Variants in IRF5 observed in about 807,000 individuals in gnomAD.
The protein encoded by IRF5 is interferon regulatory factor 5.
In IRF5, 24 loss-of-function variants were observed where a neutral mutation model predicts 55.1. The observed-to-expected ratio is 0.44, with a 90% CI of 0.32 to 0.61. The LOEUF is 0.61. IRF5 is among the 20% of genes least tolerant of loss of function. The probability of loss-of-function intolerance (pLI) is 0.07; values close to 1 mark genes in which losing one functional copy is unlikely to be tolerated. For missense variants in IRF5, 499 were observed against 658.5 expected (o/e 0.76, Z 2.65); for synonymous variants, 258 against 260.2 (o/e 0.99, Z 0.08).
chr7:128,948,426 C>A lies in IRF5; in HGVS notation c.1299+98C>A. The A allele has an allele frequency of 1.4e-6, 2 of 1,457,516 alleles. No individual in the cohort carries two copies. The highest frequency in any genetic ancestry group is 1.9e-6 in the Non-Finnish European group (2 of 1,066,226). The allele number at this position is 1,457,516 out of a possible 1,614,324, so 90.3% of individuals were successfully genotyped here. A position where few individuals can be genotyped will look rare whatever the true frequency, so the allele number is the denominator to read the frequency against. On this transcript the variant is annotated intron_variant, in intron 8 of 8. Coordinates refer to ENST00000357234, the MANE Select transcript of IRF5 (RefSeq NM_001098629.3). The surrounding 1 kb of genome is among the most constrained non-coding windows in gnomAD (Gnocchi z 4.6). ...GGCTGGAGGCTCAGGGCTCCCTGAGCAGTGTGAACTTGGCGGCCAGAGACC... is the reference window on the plus strand; with the variant it reads ...GGCTGGAGGCTCAGGGCTCCCTGAGAAGTGTGAACTTGGCGGCCAGAGACC...
In IRF5 at chr7:128,947,604, G is replaced by A. The variant is rs984336641; in HGVS notation, c.787+69G>A. 3.3e-6 allele frequency: 5 copies of A among 1,517,118 alleles called. No individual in the cohort carries two copies. Among genetic ancestry groups the A allele is most frequent in the Non-Finnish European group, 3.5e-6 (4 of 1,140,128 alleles). The allele number at this position is 1,517,118 out of a possible 1,614,324, so 94.0% of individuals were successfully genotyped here. ...TGGGGTAGGATTGGCAAGGAGGGTG[G>A]AGGGTGCTGGACTCCCTTGGGTGGG... On this transcript the variant is annotated intron_variant, in intron 6 of 8. Coordinates refer to ENST00000357234, the MANE Select transcript of IRF5 (RefSeq NM_001098629.3). The surrounding 1 kb of genome is among the most constrained non-coding windows in gnomAD (Gnocchi z 6.5).
rs541209211 is a variant in IRF5 at position 128,949,788 on chromosome 7, A to G, written c.*970A>G. 2 of 152,318 alleles carry G rather than the reference A, an allele frequency of 1.3e-5. No homozygotes were observed. Among genetic ancestry groups the G allele is most frequent in the Admixed American group, 6.5e-5 (1 of 15,300 alleles). The allele number at this position is 152,318 out of a possible 1,614,324, so 9.4% of individuals were successfully genotyped here. On this transcript the variant is annotated 3_prime_UTR_variant, in exon 9 of 9. Coordinates refer to ENST00000357234, the MANE Select transcript of IRF5 (RefSeq NM_001098629.3). Reference sequence around the variant, plus strand: ...TGTAAATCATCCTGATATATTTAATATATTTATTATATTGTCCCCCGAGGT... The same window carrying G: ...TGTAAATCATCCTGATATATTTAATGTATTTATTATATTGTCCCCCGAGGT...
In IRF5 at chr7:128,947,535, C is replaced by G. The variant is rs776950755; in HGVS notation, c.787C>G (p.Leu263Val). Residue 263 changes from leucine to valine, a missense_variant and splice_region_variant, in exon 6 of 9, where the codon CTG becomes GTG. This residue lies in a region of IRF5 where 305 missense variants were observed against 340.2 expected (regional missense o/e 0.90). Transcript: ENST00000357234. This position sits in a 1 kb window ranked among gnomAD's most constrained non-coding sequence, Gnocchi z 6.5. The stretch of plus-strand genomic sequence containing the variant: ...GCTGATCAGCCCCCACATGCTGCCT[C>G]GTAAGGACCCATGGCTGGGCACGGG... ...DLLISPHMLPLTDLEIKFQYR... is the reference protein window; with the variant it reads ...DLLISPHMLPVTDLEIKFQYR... The G allele has an allele frequency of 6.4e-7, 1 of 1,551,406 alleles. No individual in the cohort carries two copies. Among genetic ancestry groups the G allele is most frequent in the East Asian group, 2.2e-5 (1 of 44,596 alleles).
chr7:128,942,289 G>A lies in IRF5; in HGVS notation c.195+13G>A. The A allele has an allele frequency of 6.2e-7, 1 of 1,601,816 alleles. No individual in the cohort carries two copies. Among genetic ancestry groups the A allele is most frequent in the Non-Finnish European group, 8.5e-7 (1 of 1,172,194 alleles). ...CACCATCTTCAAGGTAAGCCCCGGG[G>A]AGGAGGTTGGCTGGACCTCCAGGGC... On this transcript the variant is annotated intron_variant, in intron 2 of 8. Coordinates refer to ENST00000357234, the MANE Select transcript of IRF5 (RefSeq NM_001098629.3).
At position 128,946,258 on chromosome 7, in the gene IRF5, G is replaced by A. The variant is rs1585303364; in HGVS notation, c.385+224G>A. ...GGCTTGGCGTGCAGTCAGGGACCTG[G>A]GTGCTTCTTCCTTACCATTGCCCTC... is the stretch of plus-strand genomic sequence containing the variant. On this transcript the variant is annotated intron_variant, in intron 3 of 8. Transcript: ENST00000357234. This position sits in a 1 kb window ranked among gnomAD's most constrained non-coding sequence, Gnocchi z 4.2. Among the ~76,000 whole-genome samples the A allele has an allele frequency of 6.6e-6, 1 of 152,238 alleles. No individual in the cohort carries two copies. Among genetic ancestry groups the A allele is most frequent in the East Asian group, 1.9e-4 (1 of 5,200 alleles).
upstream of IRF5, among the ~76,000 whole-genome samples, chr7:128,937,251 G>A (rs548078228): frequency 6.6e-6 from 1 of 151,194 alleles, no homozygotes; most frequent in East Asian, 1.9e-4. Context: ...AACATTCCAT[G>A]AGAAGGAACA....
chr7:128,946,095 C>T lies in IRF5; in HGVS notation c.385+61C>T, dbSNP rs1170057938. ...GCTGTGCAATGTCCTGGCCCCCAGC[C>T]ATGAGCTCTTGGGTGCAGGCAGGCC... On this transcript the variant is annotated intron_variant, in intron 3 of 8. Transcript: ENST00000357234. The surrounding 1 kb of genome is among the most constrained non-coding windows in gnomAD (Gnocchi z 4.2). The T allele has an allele frequency of 6.8e-7, 1 of 1,468,246 alleles. No individual in the cohort carries two copies. The highest frequency in any genetic ancestry group is 1.4e-5 in the South Asian group (1 of 73,124). The allele number at this position is 1,468,246 out of a possible 1,614,324, so 91.0% of individuals were successfully genotyped here. A position where few individuals can be genotyped will look rare whatever the true frequency, so the allele number is the denominator to read the frequency against.
chr7:128,938,096 CG>C (rs2128955741), intron 1 of IRF5, 47 bp downstream of exon 1: 1 of 152,210 alleles, frequency 6.6e-6, no homozygotes, highest in East Asian at 1.9e-4. Flanking sequence ...GCGCCCGGCG[CG>C]CCCCGAGGGT....
In IRF5 at chr7:128,945,942, G is replaced by A. The variant is rs750886286; in HGVS notation, c.293G>A (p.Arg98Gln). 14 of 1,613,578 alleles carry A rather than the reference G, an allele frequency of 8.7e-6. No homozygotes were observed. The highest frequency in any genetic ancestry group is 3.3e-5 in the South Asian group (3 of 91,052). ...ANLRCALNKS[R>Q]DFRLIYDGPR... ...CTGCGCTGTGCCCTTAACAAGAGCC[G>A]GGACTTCCGCCTCATCTACGACGGG... The change falls in exon 3 of 9, where the codon CGG (arginine) becomes CAG (glutamine). Residue 98 changes from arginine to glutamine, a missense_variant. Physicochemically the swap from Arg to Gln is conservative, Grantham distance 43. Coordinates refer to ENST00000357234, the MANE Select transcript of IRF5 (RefSeq NM_001098629.3).
chr7:128,948,402 G>A lies in IRF5; in HGVS notation c.1299+74G>A. On this transcript the variant is annotated intron_variant, in intron 8 of 8. Transcript: ENST00000357234. This position sits in a 1 kb window ranked among gnomAD's most constrained non-coding sequence, Gnocchi z 4.6. ...TCCTGGGGCTAGGCCCTTGCCCCAG[G>A]CTGGAGGCTCAGGGCTCCCTGAGCA... is the stretch of plus-strand genomic sequence containing the variant. The A allele has an allele frequency of 6.8e-7, 1 of 1,476,482 alleles. No homozygotes were observed. Among genetic ancestry groups the A allele is most frequent in the Non-Finnish European group, 9.2e-7 (1 of 1,089,144 alleles). 91.5% of individuals were successfully genotyped at this position (1,476,482 alleles called of 1,614,324 possible). A position where few individuals can be genotyped will look rare whatever the true frequency, so the allele number is the denominator to read the frequency against.
chr7:128,946,460 T>C lies in IRF5; in HGVS notation c.386-41T>C. The stretch of plus-strand genomic sequence containing the variant: ...GGGGATCTTGCTTCTCCTCCGACAT[T>C]GACTCCTTTACTGCCCTGCTTTTCT... On this transcript the variant is annotated intron_variant, in intron 3 of 8. Coordinates refer to ENST00000357234, the MANE Select transcript of IRF5 (RefSeq NM_001098629.3). The surrounding 1 kb of genome is among the most constrained non-coding windows in gnomAD (Gnocchi z 4.2). The C allele has an allele frequency of 6.3e-7, 1 of 1,578,300 alleles. No homozygotes were observed. The highest frequency in any genetic ancestry group is 8.6e-7 in the Non-Finnish European group (1 of 1,161,348).
chr7:128,942,213 C>T lies in IRF5; in HGVS notation c.132C>T (p.Cys44=), dbSNP rs189242581. Residue 44 remains cysteine, a synonymous_variant, in exon 2 of 9, where the codon TGC becomes TGT. Coordinates refer to ENST00000357234, the MANE Select transcript of IRF5 (RefSeq NM_001098629.3). The stretch of plus-strand genomic sequence containing the variant: ...TCAACGGGGAAAAGAAATTATTCTG[C>T]ATCCCCTGGAGGCATGCCACAAGGC... ...QWVNGEKKLF[C]IPWRHATRHG... The T allele has an allele frequency of 3.0e-5, 49 of 1,614,122 alleles. 1 individual carries two copies. In the African/African-American group the frequency reaches 5.5e-4, roughly 18 times the overall value.
In IRF5 at chr7:128,947,213, A is replaced by G; in HGVS notation, c.482-17A>G. 3 of 1,598,090 alleles carry G rather than the reference A, an allele frequency of 1.9e-6. No individual in the cohort carries two copies. Among genetic ancestry groups the G allele is most frequent in the Middle Eastern group, 1.7e-4 (1 of 5,968 alleles). On this transcript the variant is annotated splice_polypyrimidine_tract_variant and intron_variant, in intron 5 of 8. Transcript: ENST00000357234. The surrounding 1 kb of genome is among the most constrained non-coding windows in gnomAD (Gnocchi z 6.5). ...GTGGAGGTGGCACTGACAGCCGTCC[A>G]CACGCACTCTCTGTAGATGCAGTGC...
rs570134091 is a variant in IRF5, at chr7:128,944,701, G to A, written c.196-1144G>A. On this transcript the variant is annotated intron_variant, in intron 2 of 8. Transcript: ENST00000357234. The stretch of plus-strand genomic sequence containing the variant: ...CTATCCTTTCCTCTACTTTTCATAA[G>A]AAATGCTAGATATCTGCATATTTGT... Among the ~76,000 whole-genome samples, 8 of 152,286 alleles carry A rather than the reference G, an allele frequency of 5.3e-5. No individual in the cohort carries two copies. In the East Asian group the frequency reaches 1.5e-3, roughly 29 times the overall value.
At position 128,949,710 on chromosome 7, in the gene IRF5, C is replaced by T. The variant is rs1796520650; in HGVS notation, c.*892C>T. On this transcript the variant is annotated 3_prime_UTR_variant, in exon 9 of 9. Coordinates refer to ENST00000357234, the MANE Select transcript of IRF5 (RefSeq NM_001098629.3). ...CAGCTGCATTTGGGACCATTCAAAT[C>T]TGTCACTCTCTTGTGTATATTCCTG... 1 of 152,204 alleles carries T rather than the reference C, an allele frequency of 6.6e-6. No individual in the cohort carries two copies. The highest frequency in any genetic ancestry group is 1.5e-5 in the Non-Finnish European group (1 of 68,034). The allele number at this position is 152,204 out of a possible 1,614,324, so 9.4% of individuals were successfully genotyped here.
Position 128,948,120 on chromosome 7 carries a change from T to C in IRF5, c.1179T>C (p.Asn393=). The C allele has an allele frequency of 1.9e-6, 3 of 1,613,620 alleles. No individual in the cohort carries two copies. Among genetic ancestry groups the C allele is most frequent in the African/African-American group, 2.7e-5 (2 of 75,018 alleles). The stretch of plus-strand genomic sequence containing the variant: ...TTTTCAGCCTGGAGCATTTTCTCAA[T>C]GGTGAGGGCCCAAAGCTGTGATCCT... The part of the protein sequence containing the change: ...TKLFSLEHFL[N]ELILFQKGQT... Residue 393 remains asparagine (N), a splice_region_variant and synonymous_variant, in exon 7 of 9, where the codon AAT becomes AAC. Coordinates refer to ENST00000357234, the MANE Select transcript of IRF5 (RefSeq NM_001098629.3). The surrounding 1 kb of genome is among the most constrained non-coding windows in gnomAD (Gnocchi z 4.6).
In IRF5 at chr7:128,948,414, G is replaced by A; in HGVS notation, c.1299+86G>A. 6.8e-7 allele frequency: 1 copy of A among 1,463,560 alleles called. No individual in the cohort carries two copies. Among genetic ancestry groups the A allele is most frequent in the Non-Finnish European group, 9.3e-7 (1 of 1,076,814 alleles). The allele number at this position is 1,463,560 out of a possible 1,614,324, so 90.7% of individuals were successfully genotyped here. ...GCCCTTGCCCCAGGCTGGAGGCTCA[G>A]GGCTCCCTGAGCAGTGTGAACTTGG... On this transcript the variant is annotated intron_variant, in intron 8 of 8. Transcript: ENST00000357234. This position sits in a 1 kb window ranked among gnomAD's most constrained non-coding sequence, Gnocchi z 4.6.
Position 128,946,379 on chromosome 7 carries a change from T to C in IRF5, c.386-122T>C. On this transcript the variant is annotated intron_variant, in intron 3 of 8. Transcript: ENST00000357234. This position sits in a 1 kb window ranked among gnomAD's most constrained non-coding sequence, Gnocchi z 4.2. Reference sequence around the variant, plus strand: ...GCTGTGCCCTCCACCTCGCCCTGTGTTGGGGGCAGCTTTGGGGAAGGCAGA... The same window carrying C: ...GCTGTGCCCTCCACCTCGCCCTGTGCTGGGGGCAGCTTTGGGGAAGGCAGA... 1.6e-6 allele frequency: 2 copies of C among 1,236,650 alleles called. No individual in the cohort carries two copies. The highest frequency in any genetic ancestry group is 2.3e-6 in the Non-Finnish European group (2 of 881,548). 76.6% of individuals were successfully genotyped at this position (1,236,650 alleles called of 1,614,324 possible).
At chr7:128,943,300 G>A (rs1796129413) in intron 2 of IRF5, among the ~76,000 whole-genome samples, 1 of 151,476 alleles carries the variant, frequency 6.6e-6, no homozygotes. Context: ...CAGAGTGCTG[G>A]GATTACAGGT....
Sources: gnomAD v4.1 joint callset for allele counts (sites outside exome capture counted in the v4.1 genomes callset) on GRCh38, gnomAD v4.1.1 for gene constraint, gnomAD v4.1.1 regional missense constraint, Gnocchi (gnomAD v3.1) non-coding constraint, MANE v1.5 for transcripts, NCBI Gene and HGNC (gene_info 2026-07-23, HGNC 2026-07-21) for gene names.